Variants in SLCO1B1 observed in about 807,000 individuals in gnomAD.
SLCO1B1 encodes the protein OATP-2.
SLCO1B1 carries 81 observed loss-of-function variants against 70.1 expected under a neutral mutation model. The ratio of observed to expected loss-of-function variants is 1.16; its 90% CI spans 0.97 to 1.39. The LOEUF (loss-of-function observed/expected upper bound fraction) is 1.39, where lower values mean the gene tolerates loss of function less well. Ranked by LOEUF, SLCO1B1 falls within the 40% of genes most tolerant of loss-of-function variation. SLCO1B1 has a pLI of 0.00. For missense variants in SLCO1B1, 895 were observed against 799.6 expected, an observed-to-expected ratio of 1.12 and a Z score of -1.44; for synonymous variants, 283 against 271.5, an observed-to-expected ratio of 1.04 and a Z score of -0.42.
chr12:21,156,031 G>A (rs938250870), intron 2 of SLCO1B1, among the ~76,000 whole-genome samples: 1 of 151,942 alleles, frequency 6.6e-6, no homozygotes, highest in African/African-American at 2.4e-5. Flanking sequence ...TGTATTGAAG[G>A]CAACAAAAAA....
Position 21,194,441 on chromosome 12 carries a change from G to A in SLCO1B1, c.728-2505G>A, listed in dbSNP as rs532650484. On this transcript the variant is annotated intron_variant, in intron 7 of 14. Coordinates refer to ENST00000256958, the MANE Select transcript of SLCO1B1 (RefSeq NM_006446.5). ...TATTATTAATTTTGTTTTTTTGGGG[G>A]GGTTGTTTTGTTTTGCTAAGGCATA... is the stretch of plus-strand genomic sequence containing the variant. Among the ~76,000 whole-genome samples the A allele has an allele frequency of 1.8e-4, 27 of 151,394 alleles. 2 individuals are homozygous for A. Among genetic ancestry groups the A allele is most frequent in the Non-Finnish European group, 3.2e-4 (22 of 67,862 alleles).
rs531545559 is a variant in SLCO1B1, at chr12:21,187,512, C to A, written c.727+8492C>A. ...TTCTTCCACCACAACATCTCTAATT[C>A]AGCCTCTAGATCATGGAGTCATAAG... On this transcript the variant is annotated intron_variant, in intron 7 of 14. Coordinates refer to ENST00000256958, the MANE Select transcript of SLCO1B1 (RefSeq NM_006446.5). Among the ~76,000 whole-genome samples the A allele has an allele frequency of 3.9e-5, 6 of 152,110 alleles. No homozygotes were observed. In the South Asian group the frequency reaches 8.3e-4, roughly 21 times the overall value.
intron 11 of SLCO1B1, among the ~76,000 whole-genome samples, chr12:21,214,925 C>G (rs930957706): frequency 7.2e-5 from 11 of 151,950 alleles, no homozygotes; most frequent in Non-Finnish European, 1.3e-4. Context: ...CTTCGGCTCA[C>G]GCACGGTGCG....
At chr12:21,197,235 G>A in intron 8 of SLCO1B1, 47 bp downstream of exon 8, 2 of 1,601,922 alleles carry the variant, frequency 1.2e-6, no homozygotes, top group South Asian at 2.2e-5. Flanking sequence ...TAATCTCAAT[G>A]AAAAGGAAGA....
intron 14 of SLCO1B1, among the ~76,000 whole-genome samples, chr12:21,225,999 C>G (rs1234636689): frequency 5.9e-5 from 9 of 152,092 alleles, no homozygotes; most frequent in Admixed American, 5.9e-4. Context: ...GAATGGATAG[C>G]CAAACTGGGG....
intron 2 of SLCO1B1, among the ~76,000 whole-genome samples, chr12:21,151,770 C>T (rs1241791473): frequency 2.0e-5 from 3 of 152,018 alleles, no homozygotes; most frequent in African/African-American, 4.8e-5. Flanking sequence ...GATAAATACA[C>T]AGGGTATGGG....
intron 2 of SLCO1B1, among the ~76,000 whole-genome samples, chr12:21,170,251 A>G (rs1940741173): frequency 1.3e-5 from 2 of 152,194 alleles, no homozygotes; most frequent in Admixed American, 6.5e-5. Context: ...TGCATTGCAC[A>G]GGGTGGAGTG....
Position 21,202,685 on chromosome 12 carries a change from G to A in SLCO1B1, c.1330G>A (p.Gly444Arg). The change falls in exon 10 of 15, where the codon GGA becomes AGA. Residue 444 changes from glycine to arginine, a missense_variant and splice_region_variant. Physicochemically the swap from Gly to Arg is moderately radical, Grantham distance 125 (BLOSUM62 -2). Transcript: ENST00000256958. ...SVAGLTMTYD[G>R]NNPVTSHRDV... Reference sequence around the variant, plus strand: ...TGCCGGACTAACCATGACCTATGATGGGTTTGTATATATCACTATATCAAT... The same window carrying A: ...TGCCGGACTAACCATGACCTATGATAGGTTTGTATATATCACTATATCAAT... 1 of 1,606,866 alleles carries A rather than the reference G, an allele frequency of 6.2e-7. No homozygotes were observed. The highest frequency in any genetic ancestry group is 2.2e-5 in the East Asian group (1 of 44,692).
chr12:21,173,705 T>G (rs1211831141), intron 3 of SLCO1B1, among the ~76,000 whole-genome samples: 1 of 151,956 alleles, frequency 6.6e-6, no homozygotes, highest in Non-Finnish European at 1.5e-5. Context: ...AAGTGCTCAG[T>G]TATCCTTAAC....
rs1344410931 is a variant in SLCO1B1, at chr12:21,210,221, T to C, written c.1497+4188T>C. The stretch of plus-strand genomic sequence containing the variant: ...TAACGTTTAAGTCTTTAATCCATCT[T>C]GAATTGATTTTTGTATAAGGTGTAA... On this transcript the variant is annotated intron_variant, in intron 11 of 14. Transcript: ENST00000256958. 4.4e-5 allele frequency among the ~76,000 whole-genome samples: 6 copies of C among 137,204 alleles called. No homozygotes were observed. The East Asian group carries it at 1.4e-3, about 32-fold the overall frequency. 90.0% of individuals were successfully genotyped at this position (137,204 alleles called of 152,430 possible).
At chr12:21,200,367 T>C (rs540830100) in intron 8 of SLCO1B1, 141 bp from the exon 9 acceptor site, 3 of 483,166 alleles carry the variant, frequency 6.2e-6, no homozygotes, top group East Asian at 6.3e-5. Flanking sequence ...GAACAGCCTG[T>C]GGTATTGCAG....
intron 2 of SLCO1B1, among the ~76,000 whole-genome samples, chr12:21,162,938 A>G (rs1012682001): frequency 2.6e-5 from 4 of 152,176 alleles, no homozygotes; most frequent in Non-Finnish European, 5.9e-5. Context: ...AGTGGTGTGA[A>G]GTTATTTTTG....
At chr12:21,183,905 A>C (rs1371067744) in intron 7 of SLCO1B1, among the ~76,000 whole-genome samples, 1 of 152,142 alleles carries the variant, frequency 6.6e-6, no homozygotes, top group African/African-American at 2.4e-5. Context: ...TTAAAAAAAC[A>C]CTACTTCTGG....
At position 21,217,266 on chromosome 12, in the gene SLCO1B1, G is replaced by A. The variant is rs1397146952; in HGVS notation, c.1645G>A (p.Ala549Thr). The change falls in exon 12 of 15, where the codon GCA becomes ACA. Residue 549 changes from alanine to threonine, a missense_variant. By Grantham distance (58) the Ala-to-Thr change is moderately conservative (BLOSUM62 0). Coordinates refer to ENST00000256958, the MANE Select transcript of SLCO1B1 (RefSeq NM_006446.5). ...ACAAGTCTTGAATTTATTTTTCTCT[G>A]CACTTGGAGGCACCTCACATGTCAT... ...AIQVLNLFFS[A>T]LGGTSHVMLI... 1 of 1,613,522 alleles carries A rather than the reference G, an allele frequency of 6.2e-7. No homozygotes were observed. The highest frequency in any genetic ancestry group is 2.2e-5 in the East Asian group (1 of 44,826).
chr12:21,188,160 G>A (rs913547868), intron 7 of SLCO1B1, among the ~76,000 whole-genome samples: 8 of 151,850 alleles, frequency 5.3e-5, no homozygotes, highest in African/African-American at 1.9e-4. Context: ...TAGAAATTAT[G>A]GCGTATTTAT....
Position 21,176,839 on chromosome 12 carries a change from T to C in SLCO1B1, c.423T>C (p.Thr141=), listed in dbSNP as rs368095348. ...AAAATTCAACATCGACCTTATCCAC[T>C]TGTTTAATTAATCAAATTTTATCAC... is the stretch of plus-strand genomic sequence containing the variant. ...SSENSTSTLS[T]CLINQILSLN... Residue 141 remains threonine, a synonymous_variant, in exon 5 of 15, where the codon ACT becomes ACC. Coordinates refer to ENST00000256958, the MANE Select transcript of SLCO1B1 (RefSeq NM_006446.5). 1 of 1,547,062 alleles carries C rather than the reference T, an allele frequency of 6.5e-7. No homozygotes were observed. The highest frequency in any genetic ancestry group is 8.9e-7 in the Non-Finnish European group (1 of 1,118,950).
At chr12:21,137,606 C>A (rs772114173) in intron 1 of SLCO1B1, among the ~76,000 whole-genome samples, 1 of 152,144 alleles carries the variant, frequency 6.6e-6, no homozygotes, top group African/African-American at 2.4e-5. Context: ...TTGCAATGAG[C>A]GAGACTCTGT....
chr12:21,197,577 A>T (rs1941108643), intron 8 of SLCO1B1, among the ~76,000 whole-genome samples: 1 of 152,102 alleles, frequency 6.6e-6, no homozygotes, highest in Non-Finnish European at 1.5e-5. Flanking sequence ...TGGTAATAAA[A>T]CATTACCTCT....
intron 10 of SLCO1B1, 35 bp from the exon 11 acceptor site, chr12:21,205,833 T>C (rs1941209203): frequency 1.3e-6 from 2 of 1,488,424 alleles, no homozygotes; most frequent in Non-Finnish European, 9.3e-7. Flanking sequence ...CTTCTCTCTC[T>C]CTCTTTTTGA....
Sources: gnomAD v4.1 joint callset for allele counts (sites outside exome capture counted in the v4.1 genomes callset) on GRCh38, gnomAD v4.1.1 for gene constraint, MANE v1.5 for transcripts, NCBI Gene and HGNC (gene_info 2026-07-23, HGNC 2026-07-21) for gene names.